The following CRISPLD1 variants were observed in gnomAD, a reference collection of about 807,000 sequenced individuals.
The protein encoded by CRISPLD1 is cysteine rich secretory protein LCCL domain containing 1.
A neutral mutation model predicts 77.5 loss-of-function variants in CRISPLD1; 60 were observed. The observed-to-expected ratio is 0.77, with a 90% CI of 0.63 to 0.96. CRISPLD1 has a LOEUF of 0.96. Among genes scored for constraint, CRISPLD1 ranks in the 40% least tolerant of loss-of-function variants. The pLI is 0.00. For missense variants in CRISPLD1, 623 were observed against 615.8 expected (o/e 1.01, Z -0.12); for synonymous variants, 195 against 200.1 (o/e 0.97, Z 0.22).
Position 75,022,259 on chromosome 8 carries a change from A to G in CRISPLD1, c.1244+2180A>G, listed in dbSNP as rs1020376318. Among the ~76,000 whole-genome samples, 9 of 152,186 alleles carry G rather than the reference A, an allele frequency of 5.9e-5. No homozygotes were observed. The East Asian group carries it at 1.7e-3, about 29-fold the overall frequency. On this transcript the variant is annotated intron_variant, in intron 12 of 14. Transcript: ENST00000262207. ...CTCCCTTTTTTTTTATTTCAGTGAA[A>G]CAAAATTGTCATTTGTTTCTCCTGT...
At chr8:75,013,945 T>C in intron 4 of CRISPLD1, 42 bp from the exon 5 acceptor site, 1 of 1,346,104 alleles carries the variant, frequency 7.4e-7, no homozygotes, top group Middle Eastern at 1.8e-4. Context: ...TCCTATTTCA[T>C]TTCAGCCTGC....
chr8:75,020,131 C>T (rs1813107844), intron 12 of CRISPLD1, 52 bp downstream of exon 12: 6 of 1,409,596 alleles, frequency 4.3e-6, no homozygotes, highest in Non-Finnish European at 6.0e-6. Context: ...CTGTTTTTGC[C>T]TGAAATTCTG....
intron 2 of CRISPLD1, among the ~76,000 whole-genome samples, chr8:75,011,862 G>A (rs1812937126): frequency 6.6e-6 from 1 of 152,066 alleles, no homozygotes; most frequent in African/African-American, 2.4e-5. Flanking sequence ...AGATATGTAA[G>A]CAGATACTGA....
At chr8:75,002,125 C>T (rs2128782825) in intron 2 of CRISPLD1, among the ~76,000 whole-genome samples, 1 of 152,000 alleles carries the variant, frequency 6.6e-6, no homozygotes, top group East Asian at 1.9e-4. Flanking sequence ...ATACTCCAAC[C>T]TTTGTTTTGT....
intron 10 of CRISPLD1, among the ~76,000 whole-genome samples, chr8:75,019,101 T>G (rs534223176): frequency 6.6e-6 from 1 of 152,318 alleles, no homozygotes; most frequent in South Asian, 2.1e-4. Flanking sequence ...AGGCTATATT[T>G]AATAGATTGT....
At chr8:74,995,267 G>C (rs1279195420) in intron 2 of CRISPLD1, among the ~76,000 whole-genome samples, 1 of 152,182 alleles carries the variant, frequency 6.6e-6, no homozygotes, top group African/African-American at 2.4e-5. Flanking sequence ...CAGAAAGGGT[G>C]ATCAGCTCTG....
Position 75,017,448 on chromosome 8 carries a change from T to G in CRISPLD1, c.1125T>G (p.Ile375Met). Residue 375 changes from isoleucine (I) to methionine (M), a missense_variant and splice_region_variant, in exon 10 of 15, where the codon ATT becomes ATG. By Grantham distance (10) the Ile-to-Met change is conservative (BLOSUM62 1). Transcript: ENST00000262207. ...CCAATAGAAATGGTATTCAAACAAT[T>G]GGGTAAGTACCAAAATAATCTTTTG... ...IKSNRNGIQT[I>M]GKYQSANSFT... The G allele has an allele frequency of 5.0e-6, 8 of 1,599,074 alleles. No individual in the cohort carries two copies. The highest frequency in any genetic ancestry group is 6.8e-6 in the Non-Finnish European group (8 of 1,175,402).
chr8:75,021,527 G>C (rs755571204), intron 12 of CRISPLD1, among the ~76,000 whole-genome samples: 3 of 152,120 alleles, frequency 2.0e-5, no homozygotes, highest in Non-Finnish European at 4.4e-5. Flanking sequence ...ACCTCTTACT[G>C]GGTGAAGTGC....
Position 75,003,548 on chromosome 8 carries a change from T to A in CRISPLD1, c.259-8885T>A, listed in dbSNP as rs1489303492. On this transcript the variant is annotated intron_variant, in intron 2 of 14. Coordinates refer to ENST00000262207, the MANE Select transcript of CRISPLD1 (RefSeq NM_031461.6). ...CCTATCATGCATTTTTATAGACTTT[T>A]AGATCAATCCTGCATCTATATAAAA... Among the ~76,000 whole-genome samples the A allele has an allele frequency of 5.3e-5, 8 of 152,208 alleles. 1 individual carries two copies. The South Asian group carries it at 6.2e-4, about 12-fold the overall frequency.
At chr8:75,007,755 C>T (rs938925329) in intron 2 of CRISPLD1, among the ~76,000 whole-genome samples, 3 of 146,446 alleles carry the variant, frequency 2.0e-5, no homozygotes. Context: ...TCTCATAGCT[C>T]ACTGCAGCCT....
chr8:75,002,272 A>C (rs1038451180), intron 2 of CRISPLD1, among the ~76,000 whole-genome samples: 5 of 150,608 alleles, frequency 3.3e-5, no homozygotes, highest in African/African-American at 4.9e-5. Context: ...AAATACCAGC[A>C]ATGTTCCCAA....
chr8:75,019,915 T>C lies in CRISPLD1; in HGVS notation c.1171+2T>C. ...CCTTCACAGTCTCTAAAGTAACAGG[T>C]TAGCACATTCTTCATCTTATTTTCT... On this transcript the variant is annotated splice_donor_variant, in intron 11 of 14. Transcript: ENST00000262207. LOFTEE classifies it high-confidence loss of function. The C allele has an allele frequency of 6.2e-7, 1 of 1,612,864 alleles. No homozygotes were observed. Among genetic ancestry groups the C allele is most frequent in the Non-Finnish European group, 8.5e-7 (1 of 1,178,952 alleles).
intron 14 of CRISPLD1, 134 bp downstream of exon 14, chr8:75,029,651 C>T (rs376721823): frequency 1.2e-6 from 1 of 835,246 alleles, no homozygotes; most frequent in Non-Finnish European, 1.8e-6. Context: ...TGTTCCTTTG[C>T]ACACTTGTGT....
At chr8:75,013,637 T>A (rs1812974970) in intron 4 of CRISPLD1, among the ~76,000 whole-genome samples, 1 of 152,162 alleles carries the variant, frequency 6.6e-6, no homozygotes, top group African/African-American at 2.4e-5. Context: ...CAGTATTTGC[T>A]GTTTAGGATG....
rs571718299 is a variant in CRISPLD1, at chr8:75,015,936, C to G, written c.728-629C>G. Among the ~76,000 whole-genome samples the G allele has an allele frequency of 2.0e-5, 3 of 152,132 alleles. No homozygotes were observed. The South Asian group carries it at 6.2e-4, about 32-fold the overall frequency. On this transcript the variant is annotated intron_variant, in intron 6 of 14. Transcript: ENST00000262207. The stretch of plus-strand genomic sequence containing the variant: ...AGGTTCTGAGTTCTTGGGCATGCAT[C>G]AAAATTATACACCTCTCCAAAATGT...
At chr8:75,015,360 T>C (rs1367711576) in intron 6 of CRISPLD1, among the ~76,000 whole-genome samples, 3 of 152,194 alleles carry the variant, frequency 2.0e-5, no homozygotes, top group Non-Finnish European at 4.4e-5. Context: ...ATTTTTCACT[T>C]CTCACTGCAC....
chr8:74,991,647 C>T (rs925591212), intron 2 of CRISPLD1, among the ~76,000 whole-genome samples: 5 of 152,192 alleles, frequency 3.3e-5, no homozygotes. Context: ...TCTTCTGCCT[C>T]AGCCTCCTGA....
At chr8:75,017,004 C>A in intron 8 of CRISPLD1, 43 bp from the exon 9 acceptor site, 1 of 1,577,446 alleles carries the variant, frequency 6.3e-7, no homozygotes, top group Non-Finnish European at 8.7e-7. Context: ...TTTGTACTGA[C>A]ATTCAGAGAA....
intron 2 of CRISPLD1, among the ~76,000 whole-genome samples, chr8:74,994,406 T>C (rs17295835): frequency 0.27 from 40,806 of 152,170 alleles, 5,887 homozygotes; most frequent in East Asian, 0.33. Context: ...AAGCCTTGGC[T>C]ACTGTGTTTT....
Sources: allele counts gnomAD v4.1 joint callset (sites outside exome capture counted in the v4.1 genomes callset), GRCh38; gene constraint gnomAD v4.1.1; transcripts MANE v1.5; gene names NCBI Gene and HGNC (gene_info 2026-07-23, HGNC 2026-07-21).